The following ADGRV1 variants were observed in gnomAD, a reference collection of about 807,000 sequenced individuals.
ADGRV1 encodes G-protein coupled receptor 98.
ADGRV1 carries 359 observed loss-of-function variants against 596.2 expected under a neutral mutation model. The observed-to-expected ratio is 0.60, with a 90% CI of 0.55 to 0.66. The LOEUF (loss-of-function observed/expected upper bound fraction) is 0.66, where lower values mean the gene tolerates loss of function less well. Ranked by LOEUF, ADGRV1 falls within the 30% of genes least tolerant of loss-of-function variation. The probability of loss-of-function intolerance (pLI) is 0.00; values close to 1 mark genes in which losing one functional copy is unlikely to be tolerated. For missense variants in ADGRV1, 7,274 were observed against 7,575.6 expected, an observed-to-expected ratio of 0.96 and a Z score of 1.48; for synonymous variants, 2,681 against 2,679.2, an observed-to-expected ratio of 1.00 and a Z score of -0.02.
chr5:91,120,498 T>C (rs866186383), intron 87 of ADGRV1, among the ~76,000 whole-genome samples: 1 of 152,218 alleles, frequency 6.6e-6, no homozygotes, highest in Non-Finnish European at 1.5e-5. Context: ...TTTTTCCAGC[T>C]TTGTCTATCT....
intron 59 of ADGRV1, among the ~76,000 whole-genome samples, chr5:90,770,071 C>T (rs1757530298): frequency 6.6e-6 from 1 of 151,982 alleles, no homozygotes; most frequent in South Asian, 2.1e-4. Context: ...TCTCACACTG[C>T]TAATAAAGAC....
chr5:90,684,249 A>T, intron 28 of ADGRV1, 54 bp downstream of exon 28: 1 of 1,432,792 alleles, frequency 7.0e-7, no homozygotes, highest in Non-Finnish European at 9.3e-7. Flanking sequence ...ATCCTGAAAC[A>T]ATCAGTTTTA....
At chr5:91,081,185 C>T (rs367725369) in intron 86 of ADGRV1, among the ~76,000 whole-genome samples, 34 of 152,200 alleles carry the variant, frequency 2.2e-4, no homozygotes, top group African/African-American at 8.2e-4. Flanking sequence ...CTTATAAGGA[C>T]ACTAATTCCA....
chr5:90,559,053 G>A, intron 1 of ADGRV1, 136 bp downstream of exon 1: 3 of 674,308 alleles, frequency 4.4e-6, no homozygotes, highest in Non-Finnish European at 6.6e-6. Flanking sequence ...AGGGAGGCTG[G>A]GCGCGCACCC....
rs777648475 is a variant in ADGRV1 at position 90,705,425 on chromosome 5, G to A, written c.8412G>A (p.Leu2804=). ...TQGVPPAGIA[L]LDAQGYAAVL... ...GAGTTCCACCAGCCGGAATCGCCCT[G>A]CTTGATGCTCAAGGATATGCAGCTG... Residue 2804 remains leucine (L), a synonymous_variant, in exon 37 of 90, where the codon CTG becomes CTA. Transcript: ENST00000405460. The A allele has an allele frequency of 6.2e-7, 1 of 1,613,812 alleles. No homozygotes were observed. Among genetic ancestry groups the A allele is most frequent in the Non-Finnish European group, 8.5e-7 (1 of 1,179,778 alleles).
At chr5:91,121,112 T>C (rs916468316) in intron 87 of ADGRV1, among the ~76,000 whole-genome samples, 4 of 152,084 alleles carry the variant, frequency 2.6e-5, no homozygotes, top group Non-Finnish European at 4.4e-5. Flanking sequence ...AAGAGGAGGC[T>C]GCAGTGAGCC....
At chr5:91,056,929 A>G (rs964763549) in intron 85 of ADGRV1, among the ~76,000 whole-genome samples, 7 of 152,268 alleles carry the variant, frequency 4.6e-5, no homozygotes, top group Non-Finnish European at 8.8e-5. Context: ...CATAAAACAA[A>G]CAGCAAGTAA....
intron 1 of ADGRV1, among the ~76,000 whole-genome samples, chr5:90,610,219 C>T (rs1190779363): frequency 6.6e-6 from 1 of 151,792 alleles, no homozygotes; most frequent in African/African-American, 2.4e-5. Context: ...TATAATGACA[C>T]GTTGTTGATG....
rs1004229963 is a variant in ADGRV1, at chr5:90,757,054, G to A, written c.11833G>A (p.Ala3945Thr). Residue 3945 changes from alanine (A) to threonine (T), a missense_variant, in exon 57 of 90, where the codon GCT (alanine) becomes ACT (threonine). Transcript: ENST00000405460. Reference sequence around the variant, plus strand: ...TCTTCAAGTTCCTGTAGTCCGGCTGGCTGGAAGCTTTGGGGCAGTAAATGT... The same window carrying A: ...TCTTCAAGTTCCTGTAGTCCGGCTGACTGGAAGCTTTGGGGCAGTAAATGT... ...NVLQVPVVRL[A>T]GSFGAVNVYW... is the part of the protein sequence containing the mutation. 2 of 1,613,912 alleles carry A rather than the reference G, an allele frequency of 1.2e-6. No homozygotes were observed. The highest frequency in any genetic ancestry group is 1.7e-5 in the Admixed American group (1 of 60,028).
intron 85 of ADGRV1, among the ~76,000 whole-genome samples, chr5:91,065,696 G>T (rs75659169): frequency 2.6e-5 from 4 of 152,090 alleles, no homozygotes; most frequent in Non-Finnish European, 5.9e-5. Flanking sequence ...ATTGGGTAAC[G>T]CAAGTGAAAA....
At chr5:90,990,490 A>G (rs983617281) in intron 85 of ADGRV1, among the ~76,000 whole-genome samples, 1 of 152,186 alleles carries the variant, frequency 6.6e-6, no homozygotes, top group East Asian at 1.9e-4. Flanking sequence ...ACCGTTCACA[A>G]TAGGGTTCAT....
chr5:91,031,073 G>T, intron 85 of ADGRV1: 1 of 1,467,800 alleles, frequency 6.8e-7, no homozygotes, highest in Non-Finnish European at 9.4e-7. Context: ...AATCATATAG[G>T]GATGATACAG....
At chr5:90,987,873 C>T (rs888675921) in intron 85 of ADGRV1, among the ~76,000 whole-genome samples, 2 of 152,064 alleles carry the variant, frequency 1.3e-5, no homozygotes, top group Non-Finnish European at 2.9e-5. Context: ...GGGAAAATCT[C>T]CAAGTGTCTT....
chr5:90,975,744 C>A (rs1779510733), intron 84 of ADGRV1, among the ~76,000 whole-genome samples: 1 of 151,942 alleles, frequency 6.6e-6, no homozygotes, highest in Non-Finnish European at 1.5e-5. Context: ...AGGAGATATA[C>A]CTAATGTAAA....
chr5:90,778,739 T>G, intron 63 of ADGRV1, 126 bp from the exon 64 acceptor site: 2 of 1,036,336 alleles, frequency 1.9e-6, no homozygotes, highest in Non-Finnish European at 2.7e-6. Flanking sequence ...TAACATATAA[T>G]CTATATAATT....
intron 85 of ADGRV1, among the ~76,000 whole-genome samples, chr5:91,010,652 G>A (rs577298854): frequency 6.9e-4 from 105 of 152,064 alleles, no homozygotes; most frequent in Non-Finnish European, 9.7e-4. Context: ...TATCTGAAAT[G>A]CTAAATCATG....
intron 75 of ADGRV1, among the ~76,000 whole-genome samples, chr5:90,820,437 G>A (rs1455696387): frequency 6.6e-6 from 1 of 151,062 alleles, no homozygotes; most frequent in Non-Finnish European, 1.5e-5. Context: ...ATATTGTTAT[G>A]TGTGAATTTG....
intron 78 of ADGRV1, among the ~76,000 whole-genome samples, chr5:90,847,682 C>T (rs746137374): frequency 1.7e-4 from 26 of 152,322 alleles, no homozygotes; most frequent in South Asian, 6.2e-4. Context: ...AGCTAAGGCC[C>T]GGCAAGAAGT....
chr5:91,103,948 A>G (rs1377729510), intron 87 of ADGRV1, among the ~76,000 whole-genome samples: 1 of 152,216 alleles, frequency 6.6e-6, no homozygotes, highest in Admixed American at 6.5e-5. Context: ...TTAGAGAAGA[A>G]GTTGTAGGAG....
Sources: allele counts gnomAD v4.1 joint callset (sites outside exome capture counted in the v4.1 genomes callset), GRCh38; gene constraint gnomAD v4.1.1; transcripts MANE v1.5; gene names NCBI Gene and HGNC (gene_info 2026-07-23, HGNC 2026-07-21).